Variants in LMTK2 observed in about 807,000 individuals in gnomAD.
LMTK2 encodes the protein lemur tail kinase 2.
A neutral mutation model predicts 127.5 loss-of-function variants in LMTK2; 37 were observed. That is an observed-to-expected ratio of 0.29 (90% CI 0.22 to 0.38). The LOEUF (loss-of-function observed/expected upper bound fraction) is 0.38, where lower values mean the gene tolerates loss of function less well. Among genes scored for constraint, LMTK2 ranks in the 10% least tolerant of loss-of-function variants. LMTK2 has a pLI of 1.00. For synonymous variants in LMTK2, 819 were observed against 810.1 expected (o/e 1.01, Z -0.19); for missense variants, 1,694 against 1,920.3 (o/e 0.88, Z 2.20).
intron 7 of LMTK2, among the ~76,000 whole-genome samples, chr7:98,184,577 C>T (rs1454001520): frequency 6.6e-6 from 1 of 152,134 alleles, no homozygotes; most frequent in Non-Finnish European, 1.5e-5. Flanking sequence ...AGCCATTGTA[C>T]ATCTTACATG....
At chr7:98,133,327 C>T (rs535801748) in intron 1 of LMTK2, among the ~76,000 whole-genome samples, 1 of 152,234 alleles carries the variant, frequency 6.6e-6, no homozygotes, top group African/African-American at 2.4e-5. Flanking sequence ...CTAACAGCTG[C>T]AGTCAGGAAC....
In LMTK2 at chr7:98,193,063, G is replaced by A. The variant is rs368110733; in HGVS notation, c.2598G>A (p.Pro866=). 2.7e-5 allele frequency: 43 copies of A among 1,613,720 alleles called. No individual in the cohort carries two copies. The highest frequency in any genetic ancestry group is 1.3e-4 in the Admixed American group (8 of 60,002). Residue 866 remains proline (P), a synonymous_variant, in exon 11 of 14, where the codon CCG becomes CCA. Coordinates refer to ENST00000297293, the MANE Select transcript of LMTK2 (RefSeq NM_014916.4). This position sits in a 1 kb window ranked among gnomAD's most constrained non-coding sequence, Gnocchi z 4.1. ...QDISPDAVTV[P]VEILSTDART... is the part of the protein sequence containing the mutation. ...TCAGTCCAGACGCTGTGACTGTCCC[G>A]GTTGAAATTCTCTCAACTGATGCCA...
At chr7:98,174,004 C>G (rs189551526) in intron 7 of LMTK2, among the ~76,000 whole-genome samples, 278 of 150,882 alleles carry the variant, frequency 1.8e-3, no homozygotes, top group African/African-American at 6.2e-3. Context: ...TGCAGTGAGC[C>G]GAGATCATGC....
intron 1 of LMTK2, among the ~76,000 whole-genome samples, chr7:98,109,983 A>C (rs186679332): frequency 6.6e-6 from 1 of 152,320 alleles, no homozygotes; most frequent in East Asian, 1.9e-4. Context: ...GTTACACGCC[A>C]AAAACCTAAC....
rs1562901578 is a variant in LMTK2, at chr7:98,137,506, G to GAT, written c.231+66_231+67dup. ...AATATGTTTTTCAATAGAATAACTG[G>GAT]ATAGCACAGTCCTTTGGGAACAGGA... On this transcript the variant is annotated intron_variant, in intron 2 of 13. Transcript: ENST00000297293. 1.7e-5 allele frequency: 25 copies of GAT among 1,489,114 alleles called. No homozygotes were observed. The East Asian group carries it at 5.5e-4, about 33-fold the overall frequency. The allele number at this position is 1,489,114 out of a possible 1,614,324, so 92.2% of individuals were successfully genotyped here.
chr7:98,126,157 G>A (rs1238347902), intron 1 of LMTK2, among the ~76,000 whole-genome samples: 2 of 152,202 alleles, frequency 1.3e-5, no homozygotes, highest in Non-Finnish European at 2.9e-5. Flanking sequence ...TACATGGGAA[G>A]TAAGGAGCAG....
intron 11 of LMTK2, among the ~76,000 whole-genome samples, chr7:98,198,410 C>CA (rs1797662435): frequency 6.6e-6 from 1 of 152,094 alleles, no homozygotes; most frequent in African/African-American, 2.4e-5. Flanking sequence ...AGGATGGTCT[C>CA]AATCTCTTGA....
At chr7:98,179,615 C>G (rs918168094) in intron 7 of LMTK2, among the ~76,000 whole-genome samples, 1 of 113,112 alleles carries the variant, frequency 8.8e-6, no homozygotes, top group Non-Finnish European at 1.8e-5. Flanking sequence ...CCCTCCCTTT[C>G]TCCCTCCCTC....
At chr7:98,138,525 C>G (rs1796629000) in intron 2 of LMTK2, among the ~76,000 whole-genome samples, 1 of 152,132 alleles carries the variant, frequency 6.6e-6, no homozygotes, top group African/African-American at 2.4e-5. Context: ...ATATTTTGCC[C>G]CAGACCTGTA....
chr7:98,166,098 C>G (rs1366578964), intron 6 of LMTK2, among the ~76,000 whole-genome samples: 1 of 152,280 alleles, frequency 6.6e-6, no homozygotes, highest in Non-Finnish European at 1.5e-5. Context: ...CTTGCTGAGT[C>G]TGCCTCGGCT....
intron 1 of LMTK2, among the ~76,000 whole-genome samples, chr7:98,122,724 G>A (rs1038168745): frequency 9.1e-5 from 2 of 21,942 alleles, no homozygotes; most frequent in African/African-American, 3.1e-4. Context: ...GTGTGTGTGT[G>A]TGTATATATA....
intron 1 of LMTK2, among the ~76,000 whole-genome samples, chr7:98,122,561 T>C (rs1211574789): frequency 3.3e-5 from 5 of 152,150 alleles, no homozygotes; most frequent in Admixed American, 6.6e-5. Context: ...ATGCCTCTCA[T>C]CCCACCCTTT....
intron 11 of LMTK2, among the ~76,000 whole-genome samples, chr7:98,199,568 C>T (rs1282074095): frequency 1.3e-5 from 2 of 152,232 alleles, no homozygotes; most frequent in African/African-American, 4.8e-5. Context: ...GATTTTGGCT[C>T]ACTGCAGCCT....
At chr7:98,154,724 G>A (rs773790319) in intron 4 of LMTK2, 34 bp from the exon 5 acceptor site, 2 of 1,357,896 alleles carry the variant, frequency 1.5e-6, no homozygotes, top group Non-Finnish European at 2.1e-6. Flanking sequence ...TCATTTTGAT[G>A]GAAATGACAC....
At chr7:98,123,058 G>C (rs937525447) in intron 1 of LMTK2, among the ~76,000 whole-genome samples, 1 of 151,738 alleles carries the variant, frequency 6.6e-6, no homozygotes, top group Admixed American at 6.6e-5. Flanking sequence ...AGTTTTTCAG[G>C]GTTTATCATA....
chr7:98,144,215 C>T (rs560391766), intron 3 of LMTK2, among the ~76,000 whole-genome samples: 31 of 151,906 alleles, frequency 2.0e-4, no homozygotes, highest in Non-Finnish European at 3.2e-4. Context: ...TGGATCATGA[C>T]GTCAGGAGAT....
At chr7:98,119,581 T>C (rs1796334694) in intron 1 of LMTK2, among the ~76,000 whole-genome samples, 1 of 152,188 alleles carries the variant, frequency 6.6e-6, no homozygotes, top group African/African-American at 2.4e-5. Context: ...ATTTTACGAA[T>C]ATCATGTATA....
In LMTK2 at chr7:98,107,229, C is replaced by T. The variant is rs780720378; in HGVS notation, c.52C>T (p.Leu18Phe). The change falls in exon 1 of 14, where the codon CTC (leucine) becomes TTC (phenylalanine). Residue 18 changes from leucine (L) to phenylalanine (F), a missense_variant. Leu to Phe is a conservative substitution (Grantham distance 22). Transcript: ENST00000297293. ...RRRLLLLLLV[L>F]LIAGSAGAAP... is the part of the protein sequence containing the mutation. ...GAGGCTGCTGCTGCTGCTGCTGGTC[C>T]TCCTGATCGCCGGCAGTGCTGGGGC... is the stretch of plus-strand genomic sequence containing the variant. 3.4e-6 allele frequency: 5 copies of T among 1,462,700 alleles called. No homozygotes were observed. The highest frequency in any genetic ancestry group is 5.0e-5 in the Admixed American group (2 of 39,762). The allele number at this position is 1,462,700 out of a possible 1,614,324, so 90.6% of individuals were successfully genotyped here. A position where few individuals can be genotyped will look rare whatever the true frequency, so the allele number is the denominator to read the frequency against.
rs371303994 is a variant in LMTK2, at chr7:98,172,363, G to A, written c.791+689G>A. Among the ~76,000 whole-genome samples the A allele has an allele frequency of 1.5e-4, 23 of 148,996 alleles. No individual in the cohort carries two copies. The East Asian group carries it at 1.6e-3, about 10-fold the overall frequency. ...TCTGTCGCCCAGGCAGGAGTGCAGT[G>A]GCACGTTCTCGGCTCACTGCAAGCT... On this transcript the variant is annotated intron_variant, in intron 7 of 13. Transcript: ENST00000297293.
Sources: gnomAD v4.1 joint callset for allele counts (sites outside exome capture counted in the v4.1 genomes callset) on GRCh38, gnomAD v4.1.1 for gene constraint, Gnocchi (gnomAD v3.1) non-coding constraint, MANE v1.5 for transcripts, NCBI Gene and HGNC (gene_info 2026-07-23, HGNC 2026-07-21) for gene names.